The following RFX5 variants were observed in gnomAD, a reference collection of about 807,000 sequenced individuals.
RFX5 encodes DNA-binding protein RFX5.
Under a neutral mutation model 41.2 loss-of-function variants are expected in RFX5, and 30 were observed. The observed-to-expected ratio is 0.73, with a 90% confidence interval of 0.54 to 0.99. The LOEUF (loss-of-function observed/expected upper bound fraction) is 0.99. Among genes scored for constraint, RFX5 ranks in the 50% least tolerant of loss-of-function variants. The probability of loss-of-function intolerance (pLI) is 0.00; values close to 1 mark genes in which losing one functional copy is unlikely to be tolerated. For missense variants in RFX5, 715 were observed against 773.6 expected, an observed-to-expected ratio of 0.92 and a Z score of 0.90; for synonymous variants, 231 against 291.8, an observed-to-expected ratio of 0.79 and a Z score of 2.12.
At chr1:151,344,360 C>T in intron 7 of RFX5, 57 bp downstream of exon 7, 1 of 1,614,156 alleles carries the variant, frequency 6.2e-7, no homozygotes, top group South Asian at 1.1e-5. Context: ...CCTTGCTCTC[C>T]ACATCCTAAG....
In RFX5 at chr1:151,341,757, C is replaced by T; in HGVS notation, c.*429G>A. The T allele has an allele frequency of 3.0e-6, 1 of 330,110 alleles. No individual in the cohort carries two copies. Among genetic ancestry groups the T allele is most frequent in the East Asian group, 8.0e-5 (1 of 12,514 alleles). 20.4% of individuals were successfully genotyped at this position (330,110 alleles called of 1,614,324 possible). A position where few individuals can be genotyped will look rare whatever the true frequency, so the allele number is the denominator to read the frequency against. On this transcript the variant is annotated 3_prime_UTR_variant, in exon 11 of 11. Transcript: ENST00000452671. ...AAAAAGTCAGTCCGGTATTTAGAGA[C>T]ATACTGAACTACTGGGTCAAGTCTT... is the stretch of plus-strand genomic sequence containing the variant.
rs1650415633 is a variant in RFX5 at position 151,341,159 on chromosome 1, A to T, written c.*1027T>A. On this transcript the variant is annotated 3_prime_UTR_variant, in exon 11 of 11. Transcript: ENST00000452671. ...CAGGAATGAGAAGACAAAAATTAAGAAACAGGAAAAGGAAGGAGCTCCATC... is the reference window on the plus strand; with the variant it reads ...CAGGAATGAGAAGACAAAAATTAAGTAACAGGAAAAGGAAGGAGCTCCATC... 1 of 152,246 alleles carries T rather than the reference A, an allele frequency of 6.6e-6. No individual in the cohort carries two copies. Among genetic ancestry groups the T allele is most frequent in the Non-Finnish European group, 1.5e-5 (1 of 68,070 alleles). The allele number at this position is 152,246 out of a possible 1,614,324, so 9.4% of individuals were successfully genotyped here. A position where few individuals can be genotyped will look rare whatever the true frequency, so the allele number is the denominator to read the frequency against.
rs1161920943 is a variant in RFX5 at position 151,342,911 on chromosome 1, C to T, written c.1126G>A (p.Ala376Thr). The part of the protein sequence containing the change: ...PLSSRAGAPP[A>T]AVPIINMILP... ...ATCATGTTAATGATGGGCACAGCTG[C>T]TGGGGGTGCCCCGGCCCTACTAGAC... is the stretch of plus-strand genomic sequence containing the variant. The change falls in exon 11 of 11, where the codon GCA becomes ACA. Residue 376 changes from alanine to threonine, a missense_variant. By Grantham distance (58) the Ala-to-Thr change is moderately conservative. Transcript: ENST00000452671. 2 of 1,614,206 alleles carry T rather than the reference C, an allele frequency of 1.2e-6. No individual in the cohort carries two copies. The highest frequency in any genetic ancestry group is 8.5e-7 in the Non-Finnish European group (1 of 1,180,034).
chr1:151,342,080 G>A lies in RFX5; in HGVS notation c.*106C>T. 6.6e-7 allele frequency: 1 copy of A among 1,519,438 alleles called. No homozygotes were observed. The highest frequency in any genetic ancestry group is 9.1e-7 in the Non-Finnish European group (1 of 1,096,346). The allele number at this position is 1,519,438 out of a possible 1,614,324, so 94.1% of individuals were successfully genotyped here. ...TCAGCTGTCTGTACAGAGGAGAATG[G>A]ACTTCCTTAGGAAAAGAATAGCCAA... is the stretch of plus-strand genomic sequence containing the variant. On this transcript the variant is annotated 3_prime_UTR_variant, in exon 11 of 11. Transcript: ENST00000452671.
chr1:151,345,405 C>T (rs750490179), intron 4 of RFX5: 7 of 459,456 alleles, frequency 1.5e-5, no homozygotes, highest in African/African-American at 1.0e-4. Flanking sequence ...GTCAGGAGAT[C>T]GAGACCATCC....
chr1:151,342,072 G>A lies in RFX5; in HGVS notation c.*114C>T. On this transcript the variant is annotated 3_prime_UTR_variant, in exon 11 of 11. Coordinates refer to ENST00000452671, the MANE Select transcript of RFX5 (RefSeq NM_001025603.2). Reference sequence around the variant, plus strand: ...TGGGTGACTCAGCTGTCTGTACAGAGGAGAATGGACTTCCTTAGGAAAAGA... The same window carrying A: ...TGGGTGACTCAGCTGTCTGTACAGAAGAGAATGGACTTCCTTAGGAAAAGA... 1 of 1,458,596 alleles carries A rather than the reference G, an allele frequency of 6.9e-7. No individual in the cohort carries two copies. Among genetic ancestry groups the A allele is most frequent in the Non-Finnish European group, 9.6e-7 (1 of 1,042,628 alleles). The allele number at this position is 1,458,596 out of a possible 1,614,324, so 90.4% of individuals were successfully genotyped here.
intron 10 of RFX5, 82 bp from the exon 11 acceptor site, chr1:151,343,260 G>A: frequency 6.2e-7 from 1 of 1,608,630 alleles, no homozygotes; most frequent in East Asian, 2.2e-5. Context: ...ACAGGAGGTG[G>A]AAAAGCAAGG....
At position 151,344,198 on chromosome 1, in the gene RFX5, C is replaced by T. The variant is rs1254599893; in HGVS notation, c.554G>A (p.Ser185Asn). ...ATTGGAAGGTGATTTGGTACTTACA[C>T]TCTCAGAACCCTTTAGGTCAAGTCC... ...LPGLDLKGSE[S>N]PEMGPEVTPA... The change falls in exon 8 of 11, where the codon AGT becomes AAT. Residue 185 changes from serine (S) to asparagine (N), a missense_variant and splice_region_variant. By Grantham distance (46) the Ser-to-Asn change is conservative. Transcript: ENST00000452671. 6.2e-7 allele frequency: 1 copy of T among 1,614,032 alleles called. No homozygotes were observed. Among genetic ancestry groups the T allele is most frequent in the East Asian group, 2.2e-5 (1 of 44,906 alleles).
chr1:151,344,853 G>C lies in RFX5; in HGVS notation c.234-6C>G, dbSNP rs773511375. 5 of 1,614,056 alleles carry C rather than the reference G, an allele frequency of 3.1e-6. No individual in the cohort carries two copies. Among genetic ancestry groups the C allele is most frequent in the Non-Finnish European group, 4.2e-6 (5 of 1,180,042 alleles). ...TCAGTGTACTTGGCTCTGAGCTACA[G>C]AAACAAAAGGAACAAGCATTACTAA... On this transcript the variant is annotated splice_region_variant and splice_polypyrimidine_tract_variant and intron_variant, in intron 5 of 10. Transcript: ENST00000452671.
rs771285230 is a variant in RFX5 at position 151,345,127 on chromosome 1, C to G, written c.212G>C (p.Gly71Ala). The G allele has an allele frequency of 1.2e-6, 2 of 1,614,034 alleles. No homozygotes were observed. The highest frequency in any genetic ancestry group is 1.7e-6 in the Non-Finnish European group (2 of 1,179,948). The part of the protein sequence containing the change: ...KLYLYLQLPS[G>A]PTTGDKSSEP... ...CTACCTTTTGTCTCCAGTGGTGGGT[C>G]CTGAGGGGAGCTGAAGGTAGAGATA... The change falls in exon 5 of 11, where the codon GGA becomes GCA. Residue 71 changes from glycine (G) to alanine (A), a missense_variant. Physicochemically the swap from Gly to Ala is moderately conservative, Grantham distance 60. Transcript: ENST00000452671.
In RFX5 at chr1:151,341,121, G is replaced by A. The variant is rs937856221; in HGVS notation, c.*1065C>T. 2.0e-5 allele frequency: 3 copies of A among 152,252 alleles called. No individual in the cohort carries two copies. Among genetic ancestry groups the A allele is most frequent in the African/African-American group, 7.2e-5 (3 of 41,420 alleles). The allele number at this position is 152,252 out of a possible 1,614,324, so 9.4% of individuals were successfully genotyped here. A position where few individuals can be genotyped will look rare whatever the true frequency, so the allele number is the denominator to read the frequency against. ...CTCTAGTTGGTGGAACTGGCAATAG[G>A]GTGAGAGGGAAGCAGGAATGAGAAG... On this transcript the variant is annotated 3_prime_UTR_variant, in exon 11 of 11. Transcript: ENST00000452671.
Position 151,342,750 on chromosome 1 carries a change from AC to A in RFX5, c.1286del (p.Gly429ValfsTer10). ...CAGGTACTTCAGCTGTCCTCTTGACACCCTTGTCATGTGGTCCTTGGTCACC... is the reference window on the plus strand; with the variant it reads ...CAGGTACTTCAGCTGTCCTCTTGACACCTTGTCATGTGGTCCTTGGTCACC... ...IGGDQGPHDK[G>X]VKRTAEVPVS... On this transcript the variant is annotated frameshift_variant, in exon 11 of 11. Transcript: ENST00000452671. LOFTEE classifies it low-confidence loss of function (END_TRUNC). The A allele has an allele frequency of 6.2e-7, 1 of 1,613,972 alleles. No homozygotes were observed. Among genetic ancestry groups the A allele is most frequent in the South Asian group, 1.1e-5 (1 of 91,082 alleles).
At position 151,344,410 on chromosome 1, in the gene RFX5, A is replaced by G. The variant is rs1406635168; in HGVS notation, c.473+7T>C. On this transcript the variant is annotated splice_region_variant and intron_variant, in intron 7 of 10. Coordinates refer to ENST00000452671, the MANE Select transcript of RFX5 (RefSeq NM_001025603.2). The stretch of plus-strand genomic sequence containing the variant: ...CCTCCACCCCCAACCTCTCTAGTCA[A>G]GGATACTTGGACTGGCCCCGGCCAC... The G allele has an allele frequency of 1.9e-6, 3 of 1,614,068 alleles. No individual in the cohort carries two copies. Among genetic ancestry groups the G allele is most frequent in the Admixed American group, 1.7e-5 (1 of 60,006 alleles).
chr1:151,344,332 A>G, intron 7 of RFX5, 54 bp from the exon 8 acceptor site: 1 of 1,613,984 alleles, frequency 6.2e-7, no homozygotes, highest in Non-Finnish European at 8.5e-7. Flanking sequence ...CCCCTCGAGC[A>G]AGTTAAGCTG....
Position 151,342,712 on chromosome 1 carries a change from C to G in RFX5, c.1325G>C (p.Ser442Thr), listed in dbSNP as rs756299731. ...RTAEVPVSEA[S>T]GQAPPAKAAK... ...TGCTTTAGCTGGTGGAGCCTGCCCA[C>G]TGGCCTCACTCACAGGTACTTCAGC... Residue 442 changes from serine to threonine, a missense_variant, in exon 11 of 11, where the codon AGT becomes ACT. Ser to Thr is a moderately conservative substitution (Grantham distance 58). Coordinates refer to ENST00000452671, the MANE Select transcript of RFX5 (RefSeq NM_001025603.2). 7.4e-6 allele frequency: 12 copies of G among 1,614,132 alleles called. No individual in the cohort carries two copies. The East Asian group carries it at 2.7e-4, about 36-fold the overall frequency.
chr1:151,344,077 A>G lies in RFX5; in HGVS notation c.555+120T>C, dbSNP rs967846388. On this transcript the variant is annotated intron_variant, in intron 8 of 10. Coordinates refer to ENST00000452671, the MANE Select transcript of RFX5 (RefSeq NM_001025603.2). The stretch of plus-strand genomic sequence containing the variant: ...AGCTACAGGGTTGGCAGAAGGGAAC[A>G]TCATACCTAGAAGCTATGTACATAA... 2.7e-5 allele frequency: 32 copies of G among 1,171,376 alleles called. No individual in the cohort carries two copies. The South Asian group carries it at 3.7e-4, about 14-fold the overall frequency. The allele number at this position is 1,171,376 out of a possible 1,614,324, so 72.6% of individuals were successfully genotyped here.
At chr1:151,345,790 T>G (rs1650986546) in intron 4 of RFX5, 138 bp downstream of exon 4, 1 of 1,249,454 alleles carries the variant, frequency 8.0e-7, no homozygotes, top group African/African-American at 1.5e-5. Flanking sequence ...GGCAGCAAGT[T>G]TGCAAAGCCA....
Position 151,343,671 on chromosome 1 carries a change from G to A in RFX5, c.757+10C>T. On this transcript the variant is annotated intron_variant, in intron 9 of 10. Transcript: ENST00000452671. Reference sequence around the variant, plus strand: ...CAGGGTTGCTGAGACATAAGAGAGGGTCAACACACCAGCGAGCCCCATGGC... The same window carrying A: ...CAGGGTTGCTGAGACATAAGAGAGGATCAACACACCAGCGAGCCCCATGGC... 1 of 1,613,370 alleles carries A rather than the reference G, an allele frequency of 6.2e-7. No individual in the cohort carries two copies. Among genetic ancestry groups the A allele is most frequent in the Middle Eastern group, 1.7e-4 (1 of 5,996 alleles).
In RFX5 at chr1:151,343,168, T is replaced by C. The variant is rs1312763215; in HGVS notation, c.869A>G (p.Asp290Gly). Reference protein sequence around the residue: ...KPERLAQPPKDLEARTGAGPL... With the variant: ...KPERLAQPPKGLEARTGAGPL... Reference sequence around the variant, plus strand: ...ACCGGCCCCAGTTCGGGCTTCCAGATCCTTAGGAGGCTAAAAAGTAAAGAG... The same window carrying C: ...ACCGGCCCCAGTTCGGGCTTCCAGACCCTTAGGAGGCTAAAAAGTAAAGAG... The change falls in exon 11 of 11, where the codon GAT becomes GGT. Residue 290 changes from aspartate (D) to glycine (G), a missense_variant. Asp to Gly is a moderately conservative substitution (Grantham distance 94). Transcript: ENST00000452671. 6.2e-7 allele frequency: 1 copy of C among 1,611,276 alleles called. No individual in the cohort carries two copies.
Sources: gnomAD v4.1 joint callset for allele counts on GRCh38, gnomAD v4.1.1 for gene constraint, MANE v1.5 for transcripts, NCBI Gene and HGNC (gene_info 2026-07-23, HGNC 2026-07-21) for gene names.